The following ZSCAN5A variants were observed in gnomAD, a reference collection of about 807,000 sequenced individuals.
ZSCAN5A encodes the protein zinc finger and SCAN domain containing 5A, also known as zinc finger and SCAN domain-containing protein 5A.
In ZSCAN5A, 12 loss-of-function variants were observed where a neutral mutation model predicts 23.7. That is an observed-to-expected ratio of 0.51 (90% confidence interval 0.32 to 0.82). The LOEUF (loss-of-function observed/expected upper bound fraction) is 0.82, where lower values mean the gene tolerates loss of function less well. Ranked by LOEUF, ZSCAN5A falls within the 40% of genes least tolerant of loss-of-function variation. ZSCAN5A has a pLI of 0.03. For synonymous variants in ZSCAN5A, 257 were observed against 239.9 expected, an observed-to-expected ratio of 1.07 and a Z score of -0.66; for missense variants, 597 against 617.9, an observed-to-expected ratio of 0.97 and a Z score of 0.36.
intron 2 of ZSCAN5A, among the ~76,000 whole-genome samples, chr19:56,255,788 A>G (rs984745310): frequency 6.6e-6 from 1 of 152,022 alleles, no homozygotes; most frequent in Non-Finnish European, 1.5e-5. Context: ...ACCTGGCTCT[A>G]TTTCTGCCCG....
At chr19:56,223,521 T>G (rs2033530449) in intron 4 of ZSCAN5A, 110 bp downstream of exon 4, 1 of 1,115,722 alleles carries the variant, frequency 9.0e-7, no homozygotes. Flanking sequence ...CCATGGGGAA[T>G]GGCTCTAATC....
At position 56,222,557 on chromosome 19, in the gene ZSCAN5A, A is replaced by G. The variant is rs889998744; in HGVS notation, c.739+34T>C. On this transcript the variant is annotated intron_variant, in intron 5 of 5. Transcript: ENST00000683990. The stretch of plus-strand genomic sequence containing the variant: ...CAGCCCCGCACCCCAGAAGAGAGGG[A>G]CTAACCCCTGTGGATCCAAGTCTTC... The G allele has an allele frequency of 1.2e-5, 20 of 1,611,210 alleles. No homozygotes were observed. In the African/African-American group the frequency reaches 2.3e-4, roughly 18 times the overall value.
At chr19:56,230,662 A>G (rs1347986043) in intron 2 of ZSCAN5A, among the ~76,000 whole-genome samples, 1 of 140,008 alleles carries the variant, frequency 7.1e-6, no homozygotes, top group Non-Finnish European at 1.5e-5. Flanking sequence ...TGTGTTGGAA[A>G]CATTTAAGAT....
chr19:56,354,355 G>T (rs763009742), intron 2 of ZSCAN5A: 1 of 152,102 alleles, frequency 6.6e-6, no homozygotes, highest in Non-Finnish European at 1.5e-5. Context: ...TGACAAAACA[G>T]GGTAAAGATG....
At chr19:56,293,908 C>A (rs911430706) in intron 2 of ZSCAN5A, among the ~76,000 whole-genome samples, 1 of 152,152 alleles carries the variant, frequency 6.6e-6, no homozygotes, top group East Asian at 1.9e-4. Context: ...AGAAACCCCC[C>A]GCTGAATAAA....
chr19:56,311,413 C>T (rs1344157106), intron 2 of ZSCAN5A, among the ~76,000 whole-genome samples: 2 of 152,094 alleles, frequency 1.3e-5, no homozygotes, highest in Non-Finnish European at 1.5e-5. Flanking sequence ...GAAATAAAAT[C>T]CATTAGAATG....
chr19:56,243,264 CTGA>C (rs1018284282), intron 2 of ZSCAN5A, among the ~76,000 whole-genome samples: 4 of 152,136 alleles, frequency 2.6e-5, no homozygotes, highest in African/African-American at 9.7e-5. Flanking sequence ...TCCTTTTGGG[CTGA>C]TGAGACAATT....
At chr19:56,271,669 A>T (rs1443939754) in intron 2 of ZSCAN5A, among the ~76,000 whole-genome samples, 1 of 152,174 alleles carries the variant, frequency 6.6e-6, no homozygotes, top group African/African-American at 2.4e-5. Flanking sequence ...AGCACCAGAG[A>T]TGGCGGCAGG....
intron 2 of ZSCAN5A, among the ~76,000 whole-genome samples, chr19:56,279,803 ACT>A (rs1431986231): frequency 6.6e-6 from 1 of 152,096 alleles, no homozygotes; most frequent in Non-Finnish European, 1.5e-5. Context: ...CATGATCCAC[ACT>A]GTTTTTGTTT....
At chr19:56,300,216 C>G (rs530614573) in intron 2 of ZSCAN5A, among the ~76,000 whole-genome samples, 1 of 152,138 alleles carries the variant, frequency 6.6e-6, no homozygotes, top group Middle Eastern at 3.4e-3. Context: ...TGCGAAGAGA[C>G]TGCAAAGACA....
chr19:56,342,569 A>C, intron 2 of ZSCAN5A: 1 of 384,330 alleles, frequency 2.6e-6, no homozygotes, highest in Middle Eastern at 3.8e-4. Flanking sequence ...ATGCTATAGA[A>C]GAGATCTTGT....
chr19:56,252,293 G>A (rs1228954025), intron 2 of ZSCAN5A, among the ~76,000 whole-genome samples: 1 of 152,190 alleles, frequency 6.6e-6, no homozygotes, highest in African/African-American at 2.4e-5. Flanking sequence ...AACCTGGCTT[G>A]AGCAGGTGAG....
intron 2 of ZSCAN5A, among the ~76,000 whole-genome samples, chr19:56,273,650 T>C (rs2038023239): frequency 6.6e-6 from 1 of 152,070 alleles, no homozygotes; most frequent in South Asian, 2.1e-4. Flanking sequence ...CAGAAGGCAC[T>C]GAGTCCCTCC....
chr19:56,223,930 A>C, intron 3 of ZSCAN5A, 96 bp from the exon 4 acceptor site: 1 of 1,121,792 alleles, frequency 8.9e-7, no homozygotes, highest in Non-Finnish European at 1.3e-6. Flanking sequence ...ACTTTACTGT[A>C]ATTAATGTTC....
chr19:56,222,457 C>T, intron 5 of ZSCAN5A, 131 bp from the exon 6 acceptor site: 1 of 1,549,920 alleles, frequency 6.5e-7, no homozygotes, highest in Non-Finnish European at 8.7e-7. Flanking sequence ...GACTGTAGGT[C>T]TCTGGAAAGT....
chr19:56,365,951 T>C (rs1600305981), intron 1 of ZSCAN5A: 1 of 152,282 alleles, frequency 6.6e-6, no homozygotes, highest in South Asian at 2.1e-4. Flanking sequence ...CAGCTGGTTC[T>C]GGCAGGGGAA....
At chr19:56,248,692 A>G (rs1054318468) in intron 2 of ZSCAN5A, among the ~76,000 whole-genome samples, 24 of 152,164 alleles carry the variant, frequency 1.6e-4, no homozygotes, top group South Asian at 2.1e-4. Context: ...CTTGGCCTCC[A>G]GAAGTGCTCG....
intron 2 of ZSCAN5A, among the ~76,000 whole-genome samples, chr19:56,331,578 C>CTT (rs68085541): frequency 0.047 from 2,282 of 48,980 alleles, 804 homozygotes; most frequent in African/African-American, 0.062. Context: ...GAATTGCATT[C>CTT]TTTTTTTTTT....
chr19:56,246,799 GAC>G (rs768797822), intron 2 of ZSCAN5A: 1 of 1,609,642 alleles, frequency 6.2e-7, no homozygotes, highest in East Asian at 2.2e-5. Flanking sequence ...TGTGGATGCT[GAC>G]ACACCTTCTG....
Sources: allele counts gnomAD v4.1 joint callset (sites outside exome capture counted in the v4.1 genomes callset), GRCh38; gene constraint gnomAD v4.1.1; transcripts MANE v1.5; gene names NCBI Gene and HGNC (gene_info 2026-07-23, HGNC 2026-07-21).